Variants in ZC2HC1B observed in about 807,000 individuals in gnomAD.
ZC2HC1B encodes the protein zinc finger C2HC domain-containing protein 1B.
Under a neutral mutation model 31.0 loss-of-function variants are expected in ZC2HC1B, and 36 were observed. The observed-to-expected ratio is 1.16, with a 90% CI of 0.89 to 1.54. ZC2HC1B has a LOEUF of 1.54. Ranked by LOEUF, ZC2HC1B falls within the 40% of genes most tolerant of loss-of-function variation. The pLI, the probability that ZC2HC1B is intolerant of heterozygous loss-of-function variation, is 0.00. For synonymous variants in ZC2HC1B, 73 were observed against 88.0 expected, an observed-to-expected ratio of 0.83 and a Z score of 0.95; for missense variants, 260 against 268.6, an observed-to-expected ratio of 0.97 and a Z score of 0.22.
rs1040853223 is a variant in ZC2HC1B, at chr6:143,926,958, C to G, written c.599-10691C>G. 1.7e-4 allele frequency among the ~76,000 whole-genome samples: 23 copies of G among 135,116 alleles called. 1 individual carries two copies. The highest frequency in any genetic ancestry group is 2.8e-4 in the Non-Finnish European group (18 of 63,468). 88.6% of individuals were successfully genotyped at this position (135,116 alleles called of 152,430 possible). A position where few individuals can be genotyped will look rare whatever the true frequency, so the allele number is the denominator to read the frequency against. On this transcript the variant is annotated intron_variant, in intron 6 of 7. Transcript: ENST00000237275. ...CCCGAGTAGCTGGGACTACAGGCGC[C>G]CGGCTAATTTTTTGTATTTTTAGTA...
In ZC2HC1B at chr6:143,884,410, T is replaced by A; in HGVS notation, c.90+45T>A. 6.6e-7 allele frequency: 1 copy of A among 1,505,144 alleles called. No individual in the cohort carries two copies. Among genetic ancestry groups the A allele is most frequent in the Non-Finnish European group, 9.0e-7 (1 of 1,111,136 alleles). 93.2% of individuals were successfully genotyped at this position (1,505,144 alleles called of 1,614,324 possible). A position where few individuals can be genotyped will look rare whatever the true frequency, so the allele number is the denominator to read the frequency against. The stretch of plus-strand genomic sequence containing the variant: ...GTAGATGTGTTTCATTGGACTTAAA[T>A]GAACTGTCAAGTCAGTGAGGAGGCG... On this transcript the variant is annotated intron_variant, in intron 2 of 7. Coordinates refer to ENST00000237275, the MANE Select transcript of ZC2HC1B (RefSeq NM_001013623.3). The surrounding 1 kb of genome is among the most constrained non-coding windows in gnomAD (Gnocchi z 5.1).
chr6:143,884,180 C>A lies in ZC2HC1B; in HGVS notation c.29-124C>A. Reference sequence around the variant, plus strand: ...ACAGGGTCTTCCCAAAGGGAAGAAGCAGTTGGTGGGGAGGGAAAAGAGAGT... The same window carrying A: ...ACAGGGTCTTCCCAAAGGGAAGAAGAAGTTGGTGGGGAGGGAAAAGAGAGT... On this transcript the variant is annotated intron_variant, in intron 1 of 7. Coordinates refer to ENST00000237275, the MANE Select transcript of ZC2HC1B (RefSeq NM_001013623.3). The surrounding 1 kb of genome is among the most constrained non-coding windows in gnomAD (Gnocchi z 5.1). The A allele has an allele frequency of 1.3e-6, 1 of 773,802 alleles. No individual in the cohort carries two copies. The highest frequency in any genetic ancestry group is 2.0e-6 in the Non-Finnish European group (1 of 507,110). The allele number at this position is 773,802 out of a possible 1,614,324, so 47.9% of individuals were successfully genotyped here.
chr6:143,920,309 G>C (rs1489013257), intron 6 of ZC2HC1B, among the ~76,000 whole-genome samples: 2 of 152,164 alleles, frequency 1.3e-5, no homozygotes, highest in Non-Finnish European at 2.9e-5. Flanking sequence ...CTTGGAAAGA[G>C]ATCGTGAATG....
intron 5 of ZC2HC1B, among the ~76,000 whole-genome samples, chr6:143,900,080 A>G (rs1777718114): frequency 6.6e-6 from 1 of 152,194 alleles, no homozygotes. Flanking sequence ...GAGCGAAAGC[A>G]TAGAGTACCT....
At position 143,871,222 on chromosome 6, in the gene ZC2HC1B, T is replaced by A. The variant is rs952133561; in HGVS notation, c.28+6655T>A. ...CAATAAGTCCAGTGTGTTTACTACT[T>A]CTTGCTCACTGGATCCAGTCAGCAT... On this transcript the variant is annotated intron_variant, in intron 1 of 7. Coordinates refer to ENST00000237275, the MANE Select transcript of ZC2HC1B (RefSeq NM_001013623.3). The surrounding 1 kb of genome is among the most constrained non-coding windows in gnomAD (Gnocchi z 4.1). Among the ~76,000 whole-genome samples the A allele has an allele frequency of 6.6e-6, 1 of 152,196 alleles. No homozygotes were observed. The highest frequency in any genetic ancestry group is 2.4e-5 in the African/African-American group (1 of 41,436).
Position 143,884,253 on chromosome 6 carries a change from A to G in ZC2HC1B, c.29-51A>G. The G allele has an allele frequency of 2.7e-6, 4 of 1,473,128 alleles. No homozygotes were observed. Among genetic ancestry groups the G allele is most frequent in the Non-Finnish European group, 3.7e-6 (4 of 1,086,928 alleles). 91.3% of individuals were successfully genotyped at this position (1,473,128 alleles called of 1,614,324 possible). A position where few individuals can be genotyped will look rare whatever the true frequency, so the allele number is the denominator to read the frequency against. On this transcript the variant is annotated intron_variant, in intron 1 of 7. Coordinates refer to ENST00000237275, the MANE Select transcript of ZC2HC1B (RefSeq NM_001013623.3). This position sits in a 1 kb window ranked among gnomAD's most constrained non-coding sequence, Gnocchi z 5.1. ...CACCTCCAGTCAGTCATTTCTTCTC[A>G]GCGAGGAAATTCCATGAAACTAACA...
At chr6:143,935,258 C>A (rs1416347531) in intron 6 of ZC2HC1B, among the ~76,000 whole-genome samples, 1 of 152,068 alleles carries the variant, frequency 6.6e-6, no homozygotes, top group East Asian at 1.9e-4. Flanking sequence ...GGTGAGCTGA[C>A]CACAGGCAGG....
At position 143,887,491 on chromosome 6, in the gene ZC2HC1B, A is replaced by G. The variant is rs1004368553; in HGVS notation, c.349+670A>G. 6.6e-6 allele frequency among the ~76,000 whole-genome samples: 1 copy of G among 152,112 alleles called. No homozygotes were observed. Among genetic ancestry groups the G allele is most frequent in the African/African-American group, 2.4e-5 (1 of 41,442 alleles). On this transcript the variant is annotated intron_variant, in intron 4 of 7. Transcript: ENST00000237275. This position sits in a 1 kb window ranked among gnomAD's most constrained non-coding sequence, Gnocchi z 5.1. ...ACAATACTATTATCACACTTGATAT[A>G]TATTAATATGTTTTCCCAATTAGCT...
chr6:143,898,697 T>G lies in ZC2HC1B; in HGVS notation c.489+6T>G. ...AATTGGCATCCAGAGCTCAGGTAACTATCTCTCCCCAGGTGTTGGCTCTTG... is the reference window on the plus strand; with the variant it reads ...AATTGGCATCCAGAGCTCAGGTAACGATCTCTCCCCAGGTGTTGGCTCTTG... On this transcript the variant is annotated splice_donor_region_variant and intron_variant, in intron 5 of 7. Coordinates refer to ENST00000237275, the MANE Select transcript of ZC2HC1B (RefSeq NM_001013623.3). The G allele has an allele frequency of 1.3e-6, 2 of 1,552,092 alleles. No homozygotes were observed. Among genetic ancestry groups the G allele is most frequent in the South Asian group, 1.2e-5 (1 of 84,064 alleles).
At chr6:143,906,183 T>G (rs1777792812) in intron 6 of ZC2HC1B, among the ~76,000 whole-genome samples, 1 of 152,126 alleles carries the variant, frequency 6.6e-6, no homozygotes, top group Admixed American at 6.5e-5. Context: ...TGTCATGAGA[T>G]TTTTTATTAT....
At chr6:143,919,820 T>A (rs1777967461) in intron 6 of ZC2HC1B, among the ~76,000 whole-genome samples, 1 of 152,154 alleles carries the variant, frequency 6.6e-6, no homozygotes. Context: ...AAGTCTTCAA[T>A]AGACTCCAGA....
intron 6 of ZC2HC1B, among the ~76,000 whole-genome samples, chr6:143,936,806 A>C (rs1422474688): frequency 1.3e-5 from 2 of 152,234 alleles, no homozygotes; most frequent in Admixed American, 1.3e-4. Flanking sequence ...TTTTACCTGC[A>C]CTAGCATTCC....
In ZC2HC1B at chr6:143,915,060, G is replaced by A. The variant is rs1338481082; in HGVS notation, c.598+11908G>A. Among the ~76,000 whole-genome samples the A allele has an allele frequency of 2.6e-5, 4 of 152,028 alleles. No individual in the cohort carries two copies. The highest frequency in any genetic ancestry group is 9.7e-5 in the African/African-American group (4 of 41,400). The stretch of plus-strand genomic sequence containing the variant: ...TTTCTATATGCCTTACAGCTTTTTT[G>A]TTCCTCGTTTCCTGCATCACTGTTG... On this transcript the variant is annotated intron_variant, in intron 6 of 7. Transcript: ENST00000237275. The surrounding 1 kb of genome is among the most constrained non-coding windows in gnomAD (Gnocchi z 5.2).
rs1778002160 is a variant in ZC2HC1B, at chr6:143,923,282, C to T, written c.599-14367C>T. On this transcript the variant is annotated intron_variant, in intron 6 of 7. Transcript: ENST00000237275. This position sits in a 1 kb window ranked among gnomAD's most constrained non-coding sequence, Gnocchi z 4.8. The stretch of plus-strand genomic sequence containing the variant: ...TTGCTGTTAAGTTGTTTGAATTCCT[C>T]AGGTATATGTGTTGTGTTAGATAAA... 6.6e-6 allele frequency among the ~76,000 whole-genome samples: 1 copy of T among 151,864 alleles called. No homozygotes were observed. The highest frequency in any genetic ancestry group is 1.5e-5 in the Non-Finnish European group (1 of 67,926).
intron 6 of ZC2HC1B, among the ~76,000 whole-genome samples, chr6:143,904,919 A>G (rs923788947): frequency 3.3e-5 from 5 of 152,094 alleles, no homozygotes; most frequent in African/African-American, 1.2e-4. Context: ...ACTCTATTCT[A>G]TTTCATTGGT....
chr6:143,908,321 T>C lies in ZC2HC1B; in HGVS notation c.598+5169T>C, dbSNP rs1455599694. Among the ~76,000 whole-genome samples, 1 of 152,218 alleles carries C rather than the reference T, an allele frequency of 6.6e-6. No homozygotes were observed. Among genetic ancestry groups the C allele is most frequent in the Non-Finnish European group, 1.5e-5 (1 of 68,044 alleles). On this transcript the variant is annotated intron_variant, in intron 6 of 7. Transcript: ENST00000237275. This position sits in a 1 kb window ranked among gnomAD's most constrained non-coding sequence, Gnocchi z 4.4. ...TTTCTAATTCTGTGAAGAATGTCAA[T>C]GGTAGTTTAATGGAAATTGCATTGA...
At chr6:143,914,619 A>G (rs4288222) in intron 6 of ZC2HC1B, among the ~76,000 whole-genome samples, 3 of 151,952 alleles carry the variant, frequency 2.0e-5, no homozygotes, top group Admixed American at 6.6e-5. Flanking sequence ...TTTCTTATGT[A>G]TCTTTATCTG....
chr6:143,871,049 G>A lies in ZC2HC1B; in HGVS notation c.28+6482G>A, dbSNP rs1777330163. Reference sequence around the variant, plus strand: ...ACATTGTGCCTCTTTCTTGGTGGTAGGAGGGGCCAAATGCAGCAACTTATC... The same window carrying A: ...ACATTGTGCCTCTTTCTTGGTGGTAAGAGGGGCCAAATGCAGCAACTTATC... On this transcript the variant is annotated intron_variant, in intron 1 of 7. Transcript: ENST00000237275. The surrounding 1 kb of genome is among the most constrained non-coding windows in gnomAD (Gnocchi z 4.1). Among the ~76,000 whole-genome samples the A allele has an allele frequency of 2.0e-5, 3 of 152,122 alleles. No homozygotes were observed. The highest frequency in any genetic ancestry group is 1.3e-4 in the Admixed American group (2 of 15,276).
intron 4 of ZC2HC1B, among the ~76,000 whole-genome samples, chr6:143,890,724 C>T (rs181059716): frequency 8.2e-4 from 125 of 152,116 alleles, no homozygotes; most frequent in Middle Eastern, 3.4e-3. Context: ...ATAGAAAATT[C>T]TAGGGAACTA....
Sources: gnomAD v4.1 joint callset for allele counts (sites outside exome capture counted in the v4.1 genomes callset) on GRCh38, gnomAD v4.1.1 for gene constraint, Gnocchi (gnomAD v3.1) non-coding constraint, MANE v1.5 for transcripts, NCBI Gene and HGNC (gene_info 2026-07-23, HGNC 2026-07-21) for gene names.